The following ADGRL3 variants were observed in gnomAD, a reference collection of about 807,000 sequenced individuals.
ADGRL3 encodes calcium-independent alpha-latrotoxin receptor 3.
ADGRL3 carries 62 observed loss-of-function variants against 153.5 expected under a neutral mutation model. The observed-to-expected ratio is 0.40, with a 90% CI of 0.33 to 0.50. The LOEUF (loss-of-function observed/expected upper bound fraction) is 0.50. Among genes scored for constraint, ADGRL3 ranks in the 20% least tolerant of loss-of-function variants. The pLI is 0.47. For synonymous variants in ADGRL3, 710 were observed against 672.5 expected (o/e 1.06, Z -0.86); for missense variants, 1,641 against 1,859.4 (o/e 0.88, Z 2.16).
At chr4:61,509,223 G>A (rs1202781151) in intron 3 of ADGRL3, among the ~76,000 whole-genome samples, 2 of 151,034 alleles carry the variant, frequency 1.3e-5, no homozygotes, top group East Asian at 2.0e-4. Context: ...CGCCTCCCGG[G>A]TTCAAGTGAT....
intron 22 of ADGRL3, 59 bp downstream of exon 22, chr4:62,028,940 C>T: frequency 6.9e-7 from 1 of 1,453,996 alleles, no homozygotes; most frequent in Admixed American, 1.8e-5. Flanking sequence ...CATGAACCAG[C>T]TGTCAGATCA....
At chr4:61,234,261 G>A (rs182370707) in intron 1 of ADGRL3, among the ~76,000 whole-genome samples, 4 of 152,194 alleles carry the variant, frequency 2.6e-5, no homozygotes, top group South Asian at 2.1e-4. Flanking sequence ...GAGGCAAAAG[G>A]CACATCTTAC....
chr4:62,013,207 G>A (rs753530930), intron 21 of ADGRL3, among the ~76,000 whole-genome samples: 8 of 152,064 alleles, frequency 5.3e-5, no homozygotes, highest in Non-Finnish European at 8.8e-5. Context: ...AGTATGATTG[G>A]CCTTCAGATA....
At chr4:61,887,876 AT>A (rs1374125154) in intron 9 of ADGRL3, among the ~76,000 whole-genome samples, 6 of 152,152 alleles carry the variant, frequency 3.9e-5, no homozygotes, top group Non-Finnish European at 7.3e-5. Flanking sequence ...ATAAAAAATA[AT>A]TGCAAAATGT....
chr4:61,535,638 T>C (rs543901941), intron 4 of ADGRL3, among the ~76,000 whole-genome samples: 1 of 152,096 alleles, frequency 6.6e-6, no homozygotes, highest in African/African-American at 2.4e-5. Context: ...CTGTTCAGGA[T>C]TGTATTTTTT....
intron 25 of ADGRL3, among the ~76,000 whole-genome samples, chr4:62,063,994 AGACTT>A (rs1741608568): frequency 6.6e-6 from 1 of 152,134 alleles, no homozygotes; most frequent in African/African-American, 2.4e-5. Flanking sequence ...ATATAAAAGA[AGACTT>A]GATTCAATAG....
chr4:61,747,191 G>A (rs990350547), intron 8 of ADGRL3, among the ~76,000 whole-genome samples: 8 of 151,586 alleles, frequency 5.3e-5, no homozygotes, highest in Non-Finnish European at 1.0e-4. Context: ...ACCAATAACA[G>A]GCTCTGAAAT....
rs373057858 is a variant in ADGRL3, at chr4:61,553,912, C to A, written c.260-33315C>A. Among the ~76,000 whole-genome samples the A allele has an allele frequency of 3.3e-5, 5 of 152,074 alleles. No homozygotes were observed. In the South Asian group the frequency reaches 1.0e-3, roughly 32 times the overall value. ...CTTATGCAAATGGAGAGTATTTGAGCCCTGGCAATCAGAATTTACATATCA... is the reference window on the plus strand; with the variant it reads ...CTTATGCAAATGGAGAGTATTTGAGACCTGGCAATCAGAATTTACATATCA... On this transcript the variant is annotated intron_variant, in intron 4 of 26. Transcript: ENST00000683033.
At chr4:61,812,633 AC>A (rs1391163740) in intron 8 of ADGRL3, among the ~76,000 whole-genome samples, 1 of 152,216 alleles carries the variant, frequency 6.6e-6, no homozygotes, top group Non-Finnish European at 1.5e-5. Context: ...TAGAAATTGA[AC>A]TGTGTAATTA....
chr4:61,934,981 C>G lies in ADGRL3; in HGVS notation c.2254C>G (p.Leu752Val). 5.0e-6 allele frequency: 8 copies of G among 1,613,754 alleles called. No individual in the cohort carries two copies. Among genetic ancestry groups the G allele is most frequent in the Non-Finnish European group, 6.8e-6 (8 of 1,179,762 alleles). ...AAGTGCTTTTGTGCTGGCTGATAAC[C>G]TTTTGAAGACTGACATTGTCAGGGA... ...EESAFVLADN[L>V]LKTDIVRENT... Residue 752 changes from leucine (L) to valine (V), a missense_variant, in exon 14 of 27, where the codon CTT becomes GTT. By Grantham distance (32) the Leu-to-Val change is conservative (BLOSUM62 1). This residue lies in a region of ADGRL3 where 734 missense variants were observed against 797.0 expected (regional missense o/e 0.92). Coordinates refer to ENST00000683033, the MANE Select transcript of ADGRL3 (RefSeq NM_001387552.1).
intron 23 of ADGRL3, among the ~76,000 whole-genome samples, chr4:62,034,407 A>G (rs1250780359): frequency 6.6e-6 from 1 of 151,922 alleles, no homozygotes; most frequent in African/African-American, 2.4e-5. Flanking sequence ...AACAAGTAAT[A>G]CATATTGTTC....
intron 1 of ADGRL3, among the ~76,000 whole-genome samples, chr4:61,265,229 GA>G (rs1208016845): frequency 5.9e-5 from 9 of 151,446 alleles, no homozygotes; most frequent in East Asian, 1.9e-4. Context: ...AACAGCTTGG[GA>G]AAAAAAACCT....
chr4:61,323,799 T>G (rs1336723214), intron 1 of ADGRL3, among the ~76,000 whole-genome samples: 1 of 152,196 alleles, frequency 6.6e-6, no homozygotes, highest in Non-Finnish European at 1.5e-5. Context: ...ACTGTTCCAG[T>G]CTCTGCCTGT....
chr4:61,625,474 A>G (rs1471576812), intron 5 of ADGRL3, among the ~76,000 whole-genome samples: 4 of 152,102 alleles, frequency 2.6e-5, no homozygotes, highest in Admixed American at 1.3e-4. Context: ...TCATACCAAC[A>G]TGAATTGGTG....
chr4:61,972,988 A>C (rs2099034598), intron 17 of ADGRL3, among the ~76,000 whole-genome samples: 1 of 152,100 alleles, frequency 6.6e-6, no homozygotes, highest in Non-Finnish European at 1.5e-5. Context: ...CAACTCTCTA[A>C]AATTATTTTT....
chr4:61,773,652 A>G (rs1395966772), intron 8 of ADGRL3, among the ~76,000 whole-genome samples: 1 of 152,176 alleles, frequency 6.6e-6, no homozygotes, highest in Non-Finnish European at 1.5e-5. Context: ...CACTGTAGGC[A>G]AGGAAAAAAA....
rs149895771 is a variant in ADGRL3 at position 61,631,905 on chromosome 4, G to A, written c.473+44465G>A. Reference sequence around the variant, plus strand: ...GCCTTCCAAAGTGCTGGGATTACAGGCGTGAGCCACCACACCTGGCCGCTG... The same window carrying A: ...GCCTTCCAAAGTGCTGGGATTACAGACGTGAGCCACCACACCTGGCCGCTG... On this transcript the variant is annotated intron_variant, in intron 5 of 26. Coordinates refer to ENST00000683033, the MANE Select transcript of ADGRL3 (RefSeq NM_001387552.1). Among the ~76,000 whole-genome samples the A allele has an allele frequency of 2.4e-4, 37 of 152,126 alleles. No homozygotes were observed. The East Asian group carries it at 7.2e-3, about 29-fold the overall frequency.
intron 4 of ADGRL3, among the ~76,000 whole-genome samples, chr4:61,544,871 C>T (rs2098706525): frequency 6.6e-6 from 1 of 152,174 alleles, no homozygotes; most frequent in African/African-American, 2.4e-5. Flanking sequence ...ATCTATTTCA[C>T]TAACACTTTG....
chr4:61,342,805 A>T (rs925995359), intron 1 of ADGRL3, among the ~76,000 whole-genome samples: 9 of 152,148 alleles, frequency 5.9e-5, no homozygotes, highest in African/African-American at 2.2e-4. Flanking sequence ...AACCATCTCT[A>T]GTAGCCTCAC....
Sources: gnomAD v4.1 joint callset for allele counts (sites outside exome capture counted in the v4.1 genomes callset) on GRCh38, gnomAD v4.1.1 for gene constraint, gnomAD v4.1.1 regional missense constraint, MANE v1.5 for transcripts, NCBI Gene and HGNC (gene_info 2026-07-23, HGNC 2026-07-21) for gene names.